ZSWIM6: variants seen among roughly 807,000 people sequenced by gnomAD.
ZSWIM6 encodes zinc finger SWIM domain-containing protein 6.
Under a neutral mutation model 113.2 loss-of-function variants are expected in ZSWIM6, and 9 were observed. That is an observed-to-expected ratio of 0.08 (90% CI 0.05 to 0.14). ZSWIM6 has a LOEUF of 0.14. Ranked by LOEUF, ZSWIM6 falls within the 10% of genes least tolerant of loss-of-function variation. The pLI is 1.00. For synonymous variants in ZSWIM6, 611 were observed against 606.5 expected, an observed-to-expected ratio of 1.01 and a Z score of -0.11; for missense variants, 1,162 against 1,552.2, an observed-to-expected ratio of 0.75 and a Z score of 4.22.
intron 1 of ZSWIM6, among the ~76,000 whole-genome samples, chr5:61,442,103 A>G (rs137870636): frequency 2.6e-5 from 4 of 152,216 alleles, no homozygotes; most frequent in African/African-American, 4.8e-5. Flanking sequence ...CAGTTAGCCA[A>G]TCATGGTGGG....
At chr5:61,400,453 A>G (rs1745922598) in intron 1 of ZSWIM6, among the ~76,000 whole-genome samples, 1 of 152,202 alleles carries the variant, frequency 6.6e-6, no homozygotes, top group African/African-American at 2.4e-5. Flanking sequence ...AGCACAAGGC[A>G]TGCTAAGAAG....
At chr5:61,431,823 T>A (rs1746590151) in intron 1 of ZSWIM6, among the ~76,000 whole-genome samples, 1 of 152,224 alleles carries the variant, frequency 6.6e-6, no homozygotes, top group African/African-American at 2.4e-5. Context: ...AGAATGAGGC[T>A]TAATTAAGGC....
At chr5:61,386,199 G>A (rs11750590) in intron 1 of ZSWIM6, among the ~76,000 whole-genome samples, 1 of 152,164 alleles carries the variant, frequency 6.6e-6, no homozygotes, top group Non-Finnish European at 1.5e-5. Flanking sequence ...TACTACATCA[G>A]GGAAACACAG....
intron 1 of ZSWIM6, among the ~76,000 whole-genome samples, chr5:61,360,017 A>AGG (rs969730271): frequency 2.9e-4 from 44 of 151,640 alleles, no homozygotes; most frequent in Middle Eastern, 3.4e-3. Context: ...AGAGAGAGAG[A>AGG]GAGGGAGAAT....
intron 1 of ZSWIM6, among the ~76,000 whole-genome samples, chr5:61,421,662 G>A (rs544208430): frequency 6.6e-6 from 1 of 152,218 alleles, no homozygotes; most frequent in Non-Finnish European, 1.5e-5. Context: ...CCCATTGTCT[G>A]TTGTTCCCTT....
At chr5:61,437,306 C>T (rs549095715) in intron 1 of ZSWIM6, among the ~76,000 whole-genome samples, 27 of 152,202 alleles carry the variant, frequency 1.8e-4, no homozygotes, top group Non-Finnish European at 2.8e-4. Context: ...TTTTAGGCCT[C>T]GTGTTTTGGA....
At chr5:61,374,680 A>C (rs1745331381) in intron 1 of ZSWIM6, among the ~76,000 whole-genome samples, 1 of 152,014 alleles carries the variant, frequency 6.6e-6, no homozygotes, top group African/African-American at 2.4e-5. Context: ...CAGCCTCCCG[A>C]GTAGCTGGGA....
chr5:61,432,338 G>A (rs748813588), intron 1 of ZSWIM6, among the ~76,000 whole-genome samples: 7 of 152,218 alleles, frequency 4.6e-5, no homozygotes, highest in Non-Finnish European at 8.8e-5. Flanking sequence ...CACAGAGTAC[G>A]TAAGAGTGTT....
At chr5:61,466,725 A>G (rs1025831984) in intron 1 of ZSWIM6, among the ~76,000 whole-genome samples, 1 of 152,076 alleles carries the variant, frequency 6.6e-6, no homozygotes, top group African/African-American at 2.4e-5. Flanking sequence ...AACTGAGTGC[A>G]TATACATAAT....
At chr5:61,373,716 A>G (rs1745312913) in intron 1 of ZSWIM6, among the ~76,000 whole-genome samples, 1 of 152,194 alleles carries the variant, frequency 6.6e-6, no homozygotes, top group Admixed American at 6.5e-5. Context: ...GCCAAAGTCT[A>G]AAATTCTTAC....
At chr5:61,396,900 A>C (rs988555017) in intron 1 of ZSWIM6, among the ~76,000 whole-genome samples, 1 of 152,196 alleles carries the variant, frequency 6.6e-6, no homozygotes, top group African/African-American at 2.4e-5. Flanking sequence ...AAGTGGACAT[A>C]GTTATTCTCT....
chr5:61,391,976 T>C (rs1745726891), intron 1 of ZSWIM6: 1 of 446,616 alleles, frequency 2.2e-6, no homozygotes, highest in Admixed American at 4.1e-5. Context: ...TCTACCTTCA[T>C]TTTGTGTATA....
chr5:61,416,116 A>T lies in ZSWIM6; in HGVS notation c.677-56565A>T, dbSNP rs576043280. ...GGTTATATGGAAGTGTTCTCTTTGCATGTGAGTTTGTGGAACGAATGGCAT... is the reference window on the plus strand; with the variant it reads ...GGTTATATGGAAGTGTTCTCTTTGCTTGTGAGTTTGTGGAACGAATGGCAT... On this transcript the variant is annotated intron_variant, in intron 1 of 13. Transcript: ENST00000252744. Among the ~76,000 whole-genome samples the T allele has an allele frequency of 1.4e-4, 22 of 152,338 alleles. No homozygotes were observed. In the South Asian group the frequency reaches 4.6e-3, roughly 32 times the overall value.
intron 2 of ZSWIM6, among the ~76,000 whole-genome samples, chr5:61,489,918 A>G (rs1748133000): frequency 1.3e-5 from 2 of 152,080 alleles, no homozygotes; most frequent in South Asian, 2.1e-4. Flanking sequence ...GCTTTAGATC[A>G]TTAGAAGACA....
chr5:61,344,771 C>T (rs188588565), intron 1 of ZSWIM6, among the ~76,000 whole-genome samples: 31 of 152,276 alleles, frequency 2.0e-4, no homozygotes, highest in East Asian at 1.2e-3. Context: ...CACCAGGCCA[C>T]GACGGCACAG....
At chr5:61,384,842 G>T (rs1033726547) in intron 1 of ZSWIM6, among the ~76,000 whole-genome samples, 3 of 152,124 alleles carry the variant, frequency 2.0e-5, no homozygotes, top group Non-Finnish European at 4.4e-5. Context: ...CGGATCACGA[G>T]GTCAGGAGAT....
intron 1 of ZSWIM6, among the ~76,000 whole-genome samples, chr5:61,436,200 T>TA (rs566126712): frequency 0.035 from 4,309 of 121,650 alleles, 192 homozygotes; most frequent in African/African-American, 0.11. Flanking sequence ...AGACTCTGTC[T>TA]AAAAAAAAAA....
At chr5:61,536,209 T>C (rs1472708318) in intron 10 of ZSWIM6, among the ~76,000 whole-genome samples, 1 of 152,222 alleles carries the variant, frequency 6.6e-6, no homozygotes, top group Non-Finnish European at 1.5e-5. Context: ...GTCTCTCCTT[T>C]TCAGCAATAA....
At chr5:61,435,649 A>AG (rs1746690381) in intron 1 of ZSWIM6, among the ~76,000 whole-genome samples, 1 of 152,256 alleles carries the variant, frequency 6.6e-6, no homozygotes, top group Non-Finnish European at 1.5e-5. Context: ...TTAAATCAGG[A>AG]TAACTATTCC....
Sources: allele counts gnomAD v4.1 joint callset (sites outside exome capture counted in the v4.1 genomes callset), GRCh38; gene constraint gnomAD v4.1.1; transcripts MANE v1.5; gene names NCBI Gene and HGNC (gene_info 2026-07-23, HGNC 2026-07-21).